Variants in TMEM132B observed in about 807,000 individuals in gnomAD.
TMEM132B encodes the protein transmembrane protein 132B.
Under a neutral mutation model 90.8 loss-of-function variants are expected in TMEM132B, and 18 were observed. The observed-to-expected ratio is 0.20, with a 90% CI of 0.14 to 0.29. The LOEUF is 0.29. TMEM132B is among the 10% of genes least tolerant of loss of function. The pLI is 1.00. For missense variants in TMEM132B, 1,096 were observed against 1,326.8 expected (o/e 0.83, Z 2.70); for synonymous variants, 504 against 523.3 (o/e 0.96, Z 0.50).
chr12:125,363,263 C>T (rs1277881603), intron 2 of TMEM132B, among the ~76,000 whole-genome samples: 2 of 152,180 alleles, frequency 1.3e-5, no homozygotes, highest in Non-Finnish European at 2.9e-5. Flanking sequence ...GGATGTTTCA[C>T]CATCCCTTAC....
intron 3 of TMEM132B, among the ~76,000 whole-genome samples, chr12:125,499,748 G>A (rs1438150875): frequency 6.6e-6 from 1 of 152,144 alleles, no homozygotes; most frequent in African/African-American, 2.4e-5. Flanking sequence ...TCCTGTTTCT[G>A]TGGATTGTTT....
chr12:125,443,212 T>A (rs943966114), intron 3 of TMEM132B, among the ~76,000 whole-genome samples: 1 of 152,238 alleles, frequency 6.6e-6, no homozygotes, highest in Non-Finnish European at 1.5e-5. Context: ...CGGTTTTACT[T>A]ACACATAGCA....
intron 5 of TMEM132B, among the ~76,000 whole-genome samples, 175 bp from the exon 6 acceptor site, chr12:125,643,901 C>G (rs546840835): frequency 6.6e-6 from 1 of 152,278 alleles, no homozygotes; most frequent in South Asian, 2.1e-4. Context: ...GTCTATTTGT[C>G]AGTGTTTGTC....
intron 2 of TMEM132B, among the ~76,000 whole-genome samples, chr12:125,414,359 T>C (rs1470991915): frequency 1.3e-5 from 2 of 152,196 alleles, no homozygotes; most frequent in Non-Finnish European, 2.9e-5. Flanking sequence ...ATTTGATTAA[T>C]TAATCTTGGA....
At chr12:125,517,628 A>G (rs1883200968) in intron 3 of TMEM132B, among the ~76,000 whole-genome samples, 1 of 152,052 alleles carries the variant, frequency 6.6e-6, no homozygotes, top group South Asian at 2.1e-4. Flanking sequence ...AAACTTTTCC[A>G]CAGCTGTGTG....
chr12:125,435,072 C>A (rs1472424678), intron 3 of TMEM132B, among the ~76,000 whole-genome samples: 1 of 152,174 alleles, frequency 6.6e-6, no homozygotes, highest in African/African-American at 2.4e-5. Flanking sequence ...CAGATTGTCT[C>A]TTCTTAAGGG....
chr12:125,199,385 C>T (rs1873003642), intron 1 of TMEM132B, among the ~76,000 whole-genome samples: 1 of 152,090 alleles, frequency 6.6e-6, no homozygotes, highest in African/African-American at 2.4e-5. Context: ...GTTGTGAGTC[C>T]AGCTCTTAGG....
chr12:125,533,459 G>A (rs1053459441), intron 4 of TMEM132B, among the ~76,000 whole-genome samples: 3 of 152,246 alleles, frequency 2.0e-5, no homozygotes, highest in African/African-American at 4.8e-5. Flanking sequence ...GAGACAAACA[G>A]CGAGGGAATG....
chr12:125,283,209 A>G (rs1875249284), intron 1 of TMEM132B, among the ~76,000 whole-genome samples: 1 of 152,076 alleles, frequency 6.6e-6, no homozygotes, highest in Admixed American at 6.5e-5. Context: ...AGAGTCACCA[A>G]ATTGTTCTGC....
chr12:125,596,144 T>C (rs1885434825), intron 5 of TMEM132B, among the ~76,000 whole-genome samples: 1 of 152,170 alleles, frequency 6.6e-6, no homozygotes, highest in African/African-American at 2.4e-5. Flanking sequence ...TCTCCCCAGA[T>C]ACTCAGGGGG....
rs564645280 is a variant in TMEM132B, at chr12:125,563,936, T to C, written c.1294-19915T>C. On this transcript the variant is annotated intron_variant, in intron 4 of 8. Transcript: ENST00000682704. Reference sequence around the variant, plus strand: ...GGAGCCGTTGGAGGAAGTGTGGCCCTGCTGACACCCTGATTTCAGACTTCT... The same window carrying C: ...GGAGCCGTTGGAGGAAGTGTGGCCCCGCTGACACCCTGATTTCAGACTTCT... Among the ~76,000 whole-genome samples, 456 of 152,294 alleles carry C rather than the reference T, an allele frequency of 3.0e-3. 5 individuals carry two copies. Among genetic ancestry groups the C allele is most frequent in the Admixed American group, 6.0e-3 (92 of 15,300 alleles).
At chr12:125,523,866 C>T (rs1886181954) in intron 4 of TMEM132B, among the ~76,000 whole-genome samples, 1 of 152,232 alleles carries the variant, frequency 6.6e-6, no homozygotes, top group South Asian at 2.1e-4. Flanking sequence ...CGGGGATGCA[C>T]TTTCATTGTG....
intron 1 of TMEM132B, among the ~76,000 whole-genome samples, chr12:125,225,408 C>T (rs1440810553): frequency 2.6e-5 from 4 of 152,216 alleles, no homozygotes; most frequent in African/African-American, 7.2e-5. Context: ...GAGATCAGGT[C>T]CCTGTGTGAC....
intron 1 of TMEM132B, among the ~76,000 whole-genome samples, chr12:125,285,441 T>C (rs1875323252): frequency 6.6e-6 from 1 of 152,170 alleles, no homozygotes; most frequent in African/African-American, 2.4e-5. Context: ...TAGGCCCCAG[T>C]GAGTAGTCCT....
At chr12:125,630,789 G>A (rs754290542) in intron 5 of TMEM132B, among the ~76,000 whole-genome samples, 6 of 151,734 alleles carry the variant, frequency 4.0e-5, no homozygotes, top group Admixed American at 6.6e-5. Flanking sequence ...CCTTCTTTGC[G>A]TACATAAGTT....
At chr12:125,425,916 C>G (rs371630) in intron 3 of TMEM132B, among the ~76,000 whole-genome samples, 116,116 of 152,114 alleles carry the variant, frequency 0.76, 45,479 homozygotes, top group East Asian at 0.97. Flanking sequence ...CGTTCATATT[C>G]AGGTTTTTCT....
chr12:125,544,903 C>T (rs1340886092), intron 4 of TMEM132B, among the ~76,000 whole-genome samples: 1 of 151,554 alleles, frequency 6.6e-6, no homozygotes, highest in African/African-American at 2.4e-5. Flanking sequence ...TAGCAGTATT[C>T]TTGTATTTCC....
intron 1 of TMEM132B, among the ~76,000 whole-genome samples, chr12:125,218,769 GTTTTTTTTT>G (rs34905706): frequency 8.3e-5 from 9 of 108,854 alleles, no homozygotes; most frequent in Non-Finnish European, 1.4e-4. Flanking sequence ...TGTTGAAGCT[GTTTTTTTTT>G]TTTTTTTTTT....
intron 3 of TMEM132B, among the ~76,000 whole-genome samples, chr12:125,434,656 T>C (rs1593145519): frequency 6.6e-6 from 1 of 152,080 alleles, no homozygotes; most frequent in South Asian, 2.1e-4. Flanking sequence ...CATCGAGGGG[T>C]CTCCAGGCTC....
Sources: allele counts gnomAD v4.1 joint callset (sites outside exome capture counted in the v4.1 genomes callset), GRCh38; gene constraint gnomAD v4.1.1; transcripts MANE v1.5; gene names NCBI Gene and HGNC (gene_info 2026-07-23, HGNC 2026-07-21).